The following LBH variants were observed in gnomAD, a reference collection of about 807,000 sequenced individuals.
The protein encoded by LBH is LBH regulator of Wnt signaling pathway.
In LBH, 7 loss-of-function variants were observed where a neutral mutation model predicts 12.5. The observed-to-expected ratio is 0.56, with a 90% confidence interval of 0.32 to 1.05. LBH has a LOEUF of 1.05. Ranked by LOEUF, LBH falls within the 50% of genes least tolerant of loss-of-function variation. The pLI is 0.04. For synonymous variants in LBH, 51 were observed against 50.1 expected, an observed-to-expected ratio of 1.02 and a Z score of -0.08; for missense variants, 119 against 138.9, an observed-to-expected ratio of 0.86 and a Z score of 0.72.
chr2:30,247,330 C>G (rs1490081323), intron 2 of LBH, among the ~76,000 whole-genome samples: 1 of 152,212 alleles, frequency 6.6e-6, no homozygotes, highest in Non-Finnish European at 1.5e-5. Flanking sequence ...TATACAATAT[C>G]ATAAAATCAC....
At chr2:30,242,541 C>T (rs1348266593) in intron 2 of LBH, among the ~76,000 whole-genome samples, 1 of 152,060 alleles carries the variant, frequency 6.6e-6, no homozygotes, top group Non-Finnish European at 1.5e-5. Flanking sequence ...CCACGCCCGG[C>T]CAATATTTAT....
intron 2 of LBH, among the ~76,000 whole-genome samples, chr2:30,255,459 T>A (rs538450031): frequency 7.2e-5 from 11 of 152,366 alleles, no homozygotes; most frequent in Non-Finnish European, 1.0e-4. Context: ...TCCTCCTGGC[T>A]GCCATTATGA....
At chr2:30,251,050 A>AT (rs372791263) in intron 2 of LBH, among the ~76,000 whole-genome samples, 27,936 of 122,552 alleles carry the variant, frequency 0.23, 3,632 homozygotes, top group Middle Eastern at 0.27. Flanking sequence ...TGTCAGTAGA[A>AT]TTTTTTTTTT....
chr2:30,246,315 C>A (rs185260583), intron 2 of LBH, among the ~76,000 whole-genome samples: 1 of 152,184 alleles, frequency 6.6e-6, no homozygotes, highest in Non-Finnish European at 1.5e-5. Context: ...ACCTTTTGGT[C>A]TCGGTCCCTT....
chr2:30,231,545 A>G lies in LBH; in HGVS notation c.-194A>G, dbSNP rs1677583755. ...GGGCTCTTTGTGGGGCTGAGTGCTCAGTGGAGAGCGGGGAGTTGTGTCCAC... is the reference window on the plus strand; with the variant it reads ...GGGCTCTTTGTGGGGCTGAGTGCTCGGTGGAGAGCGGGGAGTTGTGTCCAC... On this transcript the variant is annotated 5_prime_UTR_variant, in exon 1 of 3. Coordinates refer to ENST00000395323, the MANE Select transcript of LBH (RefSeq NM_030915.4). 3.3e-6 allele frequency: 2 copies of G among 600,950 alleles called. No individual in the cohort carries two copies. Among genetic ancestry groups the G allele is most frequent in the Admixed American group, 3.4e-5 (1 of 29,580 alleles). The allele number at this position is 600,950 out of a possible 1,614,324, so 37.2% of individuals were successfully genotyped here.
At chr2:30,250,158 T>C (rs1677954611) in intron 2 of LBH, among the ~76,000 whole-genome samples, 1 of 152,168 alleles carries the variant, frequency 6.6e-6, no homozygotes, top group East Asian at 1.9e-4. Context: ...TGAGCGGGTT[T>C]GGGCTGATTG....
intron 2 of LBH, among the ~76,000 whole-genome samples, chr2:30,252,537 C>T (rs1677999911): frequency 6.6e-6 from 1 of 152,178 alleles, no homozygotes; most frequent in Admixed American, 6.5e-5. Context: ...TGGCGGGCGC[C>T]TGTCGTCGAA....
At chr2:30,234,319 C>T in intron 1 of LBH, 86 bp from the exon 2 acceptor site, 1 of 1,039,682 alleles carries the variant, frequency 9.6e-7, no homozygotes, top group Non-Finnish European at 1.5e-6. Flanking sequence ...CAGACAGTCC[C>T]CTGATCCCAC....
chr2:30,232,178 T>G, intron 1 of LBH: 1 of 1,379,174 alleles, frequency 7.3e-7, no homozygotes, highest in Non-Finnish European at 9.6e-7. Flanking sequence ...AGTCTCAACG[T>G]CGAGGCCGGC....
At chr2:30,246,717 C>CTAAAACTCAACAAGTAG (rs149949387) in intron 2 of LBH, among the ~76,000 whole-genome samples, 40,705 of 151,760 alleles carry the variant, frequency 0.27, 6,045 homozygotes, top group African/African-American at 0.38. Context: ...TGGTACTTCA[C>CTAAAACTCAACAAGTAG]TAGTTTTTTT....
intron 2 of LBH, among the ~76,000 whole-genome samples, chr2:30,256,175 T>C (rs550986643): frequency 1.3e-5 from 2 of 152,290 alleles, no homozygotes; most frequent in African/African-American, 2.4e-5. Context: ...GGGCAGTGTA[T>C]GCAAAGGGAA....
intron 1 of LBH, chr2:30,232,420 G>A: frequency 1.6e-6 from 1 of 630,244 alleles, no homozygotes; most frequent in East Asian, 3.3e-5. Context: ...AGCCCGGGCC[G>A]GGCGCGGGGC....
intron 2 of LBH, among the ~76,000 whole-genome samples, 171 bp from the exon 3 acceptor site, chr2:30,257,262 G>C (rs1678100765): frequency 6.6e-6 from 1 of 152,198 alleles, no homozygotes; most frequent in South Asian, 2.1e-4. Flanking sequence ...TGTTGCCCCA[G>C]AATATTCTCC....
chr2:30,236,678 G>A (rs1677693738), intron 2 of LBH, among the ~76,000 whole-genome samples: 1 of 152,148 alleles, frequency 6.6e-6, no homozygotes, highest in East Asian at 1.9e-4. Flanking sequence ...TGTGCCCAGG[G>A]TCCAGGGCCC....
chr2:30,254,879 T>C (rs976440389), intron 2 of LBH, among the ~76,000 whole-genome samples: 4 of 152,232 alleles, frequency 2.6e-5, no homozygotes, highest in African/African-American at 9.6e-5. Flanking sequence ...GCATTGGGAC[T>C]GGGAAGCTCA....
intron 2 of LBH, among the ~76,000 whole-genome samples, chr2:30,238,917 T>A (rs1189625109): frequency 7.2e-6 from 1 of 139,586 alleles, no homozygotes; most frequent in Non-Finnish European, 1.5e-5. Context: ...TGAGATGAAG[T>A]CTCGCTGTGT....
At chr2:30,235,789 CACTTA>C (rs1677677441) in intron 2 of LBH, among the ~76,000 whole-genome samples, 1 of 152,056 alleles carries the variant, frequency 6.6e-6, no homozygotes, top group Non-Finnish European at 1.5e-5. Flanking sequence ...CAGGCAGGGT[CACTTA>C]ACTTCAGACA....
intron 1 of LBH, chr2:30,232,431 G>A (rs987633297): frequency 1.7e-6 from 1 of 583,360 alleles, no homozygotes; most frequent in Non-Finnish European, 2.8e-6. Flanking sequence ...GGCGCGGGGC[G>A]TCGGAGGTTT....
intron 2 of LBH, among the ~76,000 whole-genome samples, chr2:30,238,031 T>C (rs1677717590): frequency 1.3e-5 from 2 of 152,168 alleles, no homozygotes; most frequent in South Asian, 4.1e-4. Context: ...AGTGCCTTCT[T>C]CCTTACCCTA....
Sources: gnomAD v4.1 joint callset for allele counts (sites outside exome capture counted in the v4.1 genomes callset) on GRCh38, gnomAD v4.1.1 for gene constraint, MANE v1.5 for transcripts, NCBI Gene and HGNC (gene_info 2026-07-23, HGNC 2026-07-21) for gene names.